The following ALB variants were observed in gnomAD, a reference collection of about 807,000 sequenced individuals.
ALB encodes the protein serum albumin.
Under a neutral mutation model 74.5 loss-of-function variants are expected in ALB, and 37 were observed. The observed-to-expected ratio is 0.50, with a 90% CI of 0.38 to 0.65. The LOEUF (loss-of-function observed/expected upper bound fraction) is 0.65. Ranked by LOEUF, ALB falls within the 30% of genes least tolerant of loss-of-function variation. The probability of loss-of-function intolerance (pLI) is 0.00; values close to 1 mark genes in which losing one functional copy is unlikely to be tolerated. For synonymous variants in ALB, 249 were observed against 251.6 expected (o/e 0.99, Z 0.10); for missense variants, 685 against 718.7 (o/e 0.95, Z 0.54).
chr4:73,404,465 T>C, intron 1 of ALB, 59 bp downstream of exon 1: 3 of 1,421,396 alleles, frequency 2.1e-6, no homozygotes, highest in East Asian at 2.3e-5. Flanking sequence ...TAAAATAAAG[T>C]TTTAGTAAAC....
At chr4:73,418,570 A>G (rs932242875) in intron 12 of ALB, among the ~76,000 whole-genome samples, 4 of 152,248 alleles carry the variant, frequency 2.6e-5, no homozygotes, top group African/African-American at 9.6e-5. Flanking sequence ...GTTAGGCCAT[A>G]TTCAGTAGAA....
Position 73,408,749 on chromosome 4 carries a change from A to G in ALB, c.426A>G (p.Pro142=), listed in dbSNP as rs1186939282. 9 of 1,614,038 alleles carry G rather than the reference A, an allele frequency of 5.6e-6. No homozygotes were observed. The highest frequency in any genetic ancestry group is 6.8e-6 in the Non-Finnish European group (8 of 1,179,904). The part of the protein sequence containing the change: ...DNPNLPRLVR[P]EVDVMCTAFH... Reference sequence around the variant, plus strand: ...CAAACCTCCCCCGATTGGTGAGACCAGAGGTTGATGTGATGTGCACTGCTT... The same window carrying G: ...CAAACCTCCCCCGATTGGTGAGACCGGAGGTTGATGTGATGTGCACTGCTT... The change falls in exon 4 of 15, where the codon CCA becomes CCG. Residue 142 remains proline, a synonymous_variant. Transcript: ENST00000295897.
intron 7 of ALB, 41 bp downstream of exon 7, chr4:73,412,166 C>T: frequency 6.2e-7 from 1 of 1,612,534 alleles, no homozygotes; most frequent in Non-Finnish European, 8.5e-7. Flanking sequence ...CTTGCATGCT[C>T]AAGTTGGTAG....
intron 9 of ALB, 31 bp downstream of exon 9, chr4:73,415,198 CTTT>C: frequency 6.2e-7 from 1 of 1,612,258 alleles, no homozygotes; most frequent in Non-Finnish European, 8.5e-7. Context: ...AAATGTAGTT[CTTT>C]GACTGATGAT....
chr4:73,417,456 C>T, intron 10 of ALB, 75 bp from the exon 11 acceptor site: 1 of 1,552,612 alleles, frequency 6.4e-7, no homozygotes, highest in Non-Finnish European at 8.9e-7. Context: ...TGATTCCGGC[C>T]AAGTGTTCTC....
At chr4:73,408,970 A>G (rs1718800607) in intron 4 of ALB, 165 bp downstream of exon 4, 1 of 643,410 alleles carries the variant, frequency 1.6e-6, no homozygotes, top group Admixed American at 3.0e-5. Flanking sequence ...ACAAAATTCT[A>G]CACAGCAAAA....
chr4:73,410,212 C>T, intron 5 of ALB, 100 bp from the exon 6 acceptor site: 1 of 878,646 alleles, frequency 1.1e-6, no homozygotes, highest in Non-Finnish European at 1.9e-6. Flanking sequence ...ATAAATTATG[C>T]CTTCAAAATT....
In ALB at chr4:73,405,100, T is replaced by A; in HGVS notation, c.80-16T>A. The A allele has an allele frequency of 6.2e-7, 1 of 1,612,444 alleles. No homozygotes were observed. Among genetic ancestry groups the A allele is most frequent in the Non-Finnish European group, 8.5e-7 (1 of 1,178,606 alleles). ...CTTCAGTATTTAACAATCCTTTTTT[T>A]TCTTCCCTTGCCCAGACAAGAGTGA... On this transcript the variant is annotated splice_polypyrimidine_tract_variant and intron_variant, in intron 1 of 14. Transcript: ENST00000295897.
At chr4:73,419,731 C>A in intron 13 of ALB, 92 bp downstream of exon 13, 1 of 1,455,696 alleles carries the variant, frequency 6.9e-7, no homozygotes, top group Non-Finnish European at 9.6e-7. Flanking sequence ...TCAAAGGAGG[C>A]TTTGTACATG....
chr4:73,419,850 C>A (rs962005), intron 13 of ALB, among the ~76,000 whole-genome samples: 65,727 of 151,966 alleles, frequency 0.43, 14,536 homozygotes, highest in Admixed American at 0.53. Context: ...TTTATAATGC[C>A]TGTTCTGTTT....
intron 9 of ALB, among the ~76,000 whole-genome samples, chr4:73,415,624 G>T (rs1577940251): frequency 6.6e-6 from 1 of 152,130 alleles, no homozygotes; most frequent in African/African-American, 2.4e-5. Context: ...TAAGTTAGGA[G>T]AGGAAATCTG....
chr4:73,409,590 G>C, intron 5 of ALB, 103 bp downstream of exon 5: 2 of 1,420,170 alleles, frequency 1.4e-6, no homozygotes, highest in South Asian at 1.2e-5. Context: ...CAAACTTTCC[G>C]ACATGGTCAA....
intron 11 of ALB, 166 bp from the exon 12 acceptor site, chr4:73,417,922 C>T (rs1719055984): frequency 6.7e-6 from 5 of 749,478 alleles, no homozygotes; most frequent in Non-Finnish European, 1.1e-5. Context: ...CATCTCGGCT[C>T]ACTGCAACCT....
chr4:73,413,135 G>C (rs1478650945), intron 7 of ALB: 1 of 354,014 alleles, frequency 2.8e-6, no homozygotes, highest in Admixed American at 4.4e-5. Flanking sequence ...AAACAGCATT[G>C]AGTTTTAATG....
chr4:73,407,992 GAGT>G (rs1323202247), intron 3 of ALB, among the ~76,000 whole-genome samples: 1 of 152,102 alleles, frequency 6.6e-6, no homozygotes, highest in East Asian at 1.9e-4. Flanking sequence ...ATTCTGTCTA[GAGT>G]AGTATATTTT....
At chr4:73,412,242 T>C in intron 7 of ALB, 117 bp downstream of exon 7, 1 of 1,269,710 alleles carries the variant, frequency 7.9e-7, no homozygotes, top group South Asian at 1.2e-5. Context: ...TGTGCTTTCG[T>C]CTGTCCTATC....
Position 73,421,189 on chromosome 4 carries a change from A to G in ALB, c.*121A>G, listed in dbSNP as rs1719131924. The G allele has an allele frequency of 1.5e-6, 1 of 654,550 alleles. No homozygotes were observed. The highest frequency in any genetic ancestry group is 2.7e-5 in the Admixed American group (1 of 36,666). The allele number at this position is 654,550 out of a possible 1,614,324, so 40.5% of individuals were successfully genotyped here. ...AAAGCCAACACCCTGTCTAAAAAAC[A>G]TAAATTTCTTTAATCATTTTGCCTC... is the stretch of plus-strand genomic sequence containing the variant. On this transcript the variant is annotated 3_prime_UTR_variant, in exon 15 of 15. Coordinates refer to ENST00000295897, the MANE Select transcript of ALB (RefSeq NM_000477.7).
intron 5 of ALB, 42 bp from the exon 6 acceptor site, chr4:73,410,270 G>C: frequency 6.5e-7 from 1 of 1,527,476 alleles, no homozygotes; most frequent in Non-Finnish European, 9.1e-7. Context: ...GTTTCATGTA[G>C]AATTTTTCTT....
chr4:73,410,042 G>A (rs1718833006), intron 5 of ALB, among the ~76,000 whole-genome samples: 1 of 152,080 alleles, frequency 6.6e-6, no homozygotes, highest in Non-Finnish European at 1.5e-5. Context: ...CTCTTTCTCT[G>A]ACTTTTCTCC....
Sources: allele counts gnomAD v4.1 joint callset (sites outside exome capture counted in the v4.1 genomes callset), GRCh38; gene constraint gnomAD v4.1.1; transcripts MANE v1.5; gene names NCBI Gene and HGNC (gene_info 2026-07-23, HGNC 2026-07-21).